The following DHTKD1 variants were observed in gnomAD, a reference collection of about 807,000 sequenced individuals.
DHTKD1 encodes the protein 2-oxoadipate dehydrogenase complex component E1.
In DHTKD1, 78 loss-of-function variants were observed where a neutral mutation model predicts 101.8. The observed-to-expected ratio is 0.77, with a 90% CI of 0.64 to 0.93. The LOEUF is 0.93. Among genes scored for constraint, DHTKD1 ranks in the 40% least tolerant of loss-of-function variants. The pLI, the probability that DHTKD1 is intolerant of heterozygous loss-of-function variation, is 0.00. For missense variants in DHTKD1, 1,223 were observed against 1,161.7 expected (o/e 1.05, Z -0.77); for synonymous variants, 462 against 450.3 (o/e 1.03, Z -0.33).
rs1246673651 is a variant in DHTKD1, at chr10:12,086,221, C to CTTTTTTTT, written c.523-1310_523-1309insTTTTTTTT. ...TTAAAATTTATTTTTCTTTTGTTTT[C>CTTTTTTTT]TTTTCTTTTTTTTTTTTTTGAGATG... On this transcript the variant is annotated intron_variant, in intron 3 of 16. Coordinates refer to ENST00000263035, the MANE Select transcript of DHTKD1 (RefSeq NM_018706.7). 3.8e-5 allele frequency among the ~76,000 whole-genome samples: 3 copies of CTTTTTTTT among 78,042 alleles called. 1 individual carries two copies. Among genetic ancestry groups the CTTTTTTTT allele is most frequent in the Admixed American group, 2.4e-4 (1 of 4,230 alleles). The allele number at this position is 78,042 out of a possible 152,430, so 51.2% of individuals were successfully genotyped here.
At chr10:12,097,318 G>A (rs185522103) in intron 7 of DHTKD1, among the ~76,000 whole-genome samples, 1 of 151,912 alleles carries the variant, frequency 6.6e-6, no homozygotes, top group African/African-American at 2.4e-5. Context: ...TGTTGCCTAG[G>A]CTGGAGTGCA....
At position 12,094,210 on chromosome 10, in the gene DHTKD1, T is replaced by C; in HGVS notation, c.1297T>C (p.Trp433Arg). The change falls in exon 7 of 17, where the codon TGG becomes CGG. Residue 433 changes from tryptophan (W) to arginine (R), a missense_variant. Coordinates refer to ENST00000263035, the MANE Select transcript of DHTKD1 (RefSeq NM_018706.7). ...VIIDLLCYRQ[W>R]GHNELDEPFY... ...TATTGATCTGTTGTGCTACAGGCAG[T>C]GGGGCCACAATGAGCTGGATGAGCC... The C allele has an allele frequency of 6.2e-7, 1 of 1,614,184 alleles. No individual in the cohort carries two copies. Among genetic ancestry groups the C allele is most frequent in the Non-Finnish European group, 8.5e-7 (1 of 1,180,026 alleles).
chr10:12,075,367 T>C (rs1247505349), intron 1 of DHTKD1, among the ~76,000 whole-genome samples: 2 of 151,824 alleles, frequency 1.3e-5, no homozygotes, highest in Non-Finnish European at 1.5e-5. Context: ...TTTTTTTTGG[T>C]TTTGGTTTTG....
Position 12,084,749 on chromosome 10 carries a change from C to G in DHTKD1, c.520C>G (p.Gln174Glu). Residue 174 changes from glutamine to glutamate, a missense_variant and splice_region_variant, in exon 3 of 17, where the codon CAG (glutamine) becomes GAG (glutamate). By Grantham distance (29) the Gln-to-Glu change is conservative. Coordinates refer to ENST00000263035, the MANE Select transcript of DHTKD1 (RefSeq NM_018706.7). ...KHLSKLMLES[Q>E]EFDHFLATKF... Reference sequence around the variant, plus strand: ...TCTGTCGAAACTAATGCTGGAATCTCAGGTAAAAAGGAGCATCTAGGCCGG... The same window carrying G: ...TCTGTCGAAACTAATGCTGGAATCTGAGGTAAAAAGGAGCATCTAGGCCGG... The G allele has an allele frequency of 6.2e-7, 1 of 1,613,772 alleles. No homozygotes were observed.
rs371209000 is a variant in DHTKD1, at chr10:12,081,546, T to G, written c.229T>G (p.Phe77Val). 17 of 1,614,030 alleles carry G rather than the reference T, an allele frequency of 1.1e-5. No homozygotes were observed. Among genetic ancestry groups the G allele is most frequent in the Non-Finnish European group, 1.4e-5 (16 of 1,180,022 alleles). The change falls in exon 2 of 17, where the codon TTC becomes GTC. Residue 77 changes from phenylalanine to valine, a missense_variant. By Grantham distance (50) the Phe-to-Val change is conservative. Transcript: ENST00000263035. ...GHKAAKINPL[F>V]TGQALLENVP... ...TAAAGCTGCCAAAATCAACCCCCTC[T>G]TCACCGGACAAGCCCTGCTGGAGAA...
chr10:12,069,187 G>C lies in DHTKD1; in HGVS notation c.154G>C (p.Val52Leu), dbSNP rs543147905. 1.3e-6 allele frequency: 2 copies of C among 1,545,318 alleles called. No individual in the cohort carries two copies. The highest frequency in any genetic ancestry group is 1.7e-6 in the Non-Finnish European group (2 of 1,146,248). The change falls in exon 1 of 17, where the codon GTT (valine) becomes CTT (leucine). Residue 52 changes from valine (V) to leucine (L), a missense_variant and splice_region_variant. Physicochemically the swap from Val to Leu is conservative, Grantham distance 32. Coordinates refer to ENST00000263035, the MANE Select transcript of DHTKD1 (RefSeq NM_018706.7). The stretch of plus-strand genomic sequence containing the variant: ...CCAGGGCGCCCTGGAGCGCCCCCCA[G>C]GTCGGGGATGGGGCCCGGGCGGTGG... ...EPQGALERPP[V>L]DHGLARLVTV...
chr10:12,093,763 G>A (rs1460599876), intron 6 of DHTKD1, among the ~76,000 whole-genome samples: 2 of 152,162 alleles, frequency 1.3e-5, no homozygotes, highest in African/African-American at 4.8e-5. Flanking sequence ...TAACTACTAT[G>A]TACCAGGCAC....
Position 12,113,064 on chromosome 10 carries a change from G to C in DHTKD1, c.2319G>C (p.Pro773=). ...CCCCTAAGATGTTACTCAGGCTCCC[G>C]GTAAGCAGAAGGTGGTGAATAAGCC... ...VASPKMLLRL[P]AAVSTLQEMA... Residue 773 remains proline (P), a splice_region_variant and synonymous_variant, in exon 13 of 17, where the codon CCG becomes CCC. Transcript: ENST00000263035. 1 of 1,601,626 alleles carries C rather than the reference G, an allele frequency of 6.2e-7. No homozygotes were observed. The highest frequency in any genetic ancestry group is 8.5e-7 in the Non-Finnish European group (1 of 1,174,320).
In DHTKD1 at chr10:12,097,989, A is replaced by C; in HGVS notation, c.1664A>C (p.His555Pro). Residue 555 changes from histidine (H) to proline (P), a missense_variant, in exon 8 of 17, where the codon CAT becomes CCT. Transcript: ENST00000263035. ...LQMHSHLLKT[H>P]VQSRMEKMMD... ...ATGCACAGTCACCTGCTGAAGACAC[A>C]TGTTCAGGTGGGCAGCCTCCAAATG... 6.2e-7 allele frequency: 1 copy of C among 1,602,900 alleles called. No individual in the cohort carries two copies. Among genetic ancestry groups the C allele is most frequent in the Non-Finnish European group, 8.5e-7 (1 of 1,171,786 alleles).
intron 13 of DHTKD1, among the ~76,000 whole-genome samples, chr10:12,115,774 T>A (rs1470310232): frequency 6.6e-6 from 1 of 151,846 alleles, no homozygotes; most frequent in African/African-American, 2.4e-5. Flanking sequence ...CTTTTTTTTC[T>A]TTTTTTTGTT....
At chr10:12,073,304 A>G (rs1832677773) in intron 1 of DHTKD1, among the ~76,000 whole-genome samples, 1 of 151,872 alleles carries the variant, frequency 6.6e-6, no homozygotes, top group Non-Finnish European at 1.5e-5. Flanking sequence ...AAGTTCTGGG[A>G]TTATAGGCAT....
rs545781535 is a variant in DHTKD1 at position 12,088,415 on chromosome 10, T to C, written c.718-571T>C. Among the ~76,000 whole-genome samples the C allele has an allele frequency of 3.0e-4, 46 of 151,092 alleles. No individual in the cohort carries two copies. In the South Asian group the frequency reaches 9.5e-3, roughly 31 times the overall value. On this transcript the variant is annotated intron_variant, in intron 4 of 16. Transcript: ENST00000263035. ...TGAGTCCAGGAGATGGAGGCTGCAGTGAGCTGAGACTGTGCCACTGCCCTC... is the reference window on the plus strand; with the variant it reads ...TGAGTCCAGGAGATGGAGGCTGCAGCGAGCTGAGACTGTGCCACTGCCCTC...
intron 1 of DHTKD1, among the ~76,000 whole-genome samples, chr10:12,069,909 T>C (rs1313182818): frequency 6.6e-6 from 1 of 151,988 alleles, no homozygotes. Context: ...AGGATACATT[T>C]CCAGGACCAT....
intron 13 of DHTKD1, among the ~76,000 whole-genome samples, chr10:12,115,581 G>C (rs1270989850): frequency 6.6e-6 from 1 of 152,146 alleles, no homozygotes; most frequent in Non-Finnish European, 1.5e-5. Flanking sequence ...ATGGATTTCA[G>C]TAGTCTTACC....
At chr10:12,112,197 C>T (rs914089305) in intron 12 of DHTKD1, among the ~76,000 whole-genome samples, 1 of 151,958 alleles carries the variant, frequency 6.6e-6, no homozygotes, top group Non-Finnish European at 1.5e-5. Flanking sequence ...ACCTGTAGTC[C>T]CAGCTACTTG....
intron 12 of DHTKD1, among the ~76,000 whole-genome samples, chr10:12,112,355 C>T (rs1833346600): frequency 1.3e-5 from 2 of 152,130 alleles, no homozygotes; most frequent in South Asian, 4.1e-4. Flanking sequence ...AACTCTCTTT[C>T]TTTCCTTTCA....
At chr10:12,078,480 C>G (rs745859002) in intron 1 of DHTKD1, among the ~76,000 whole-genome samples, 5 of 151,952 alleles carry the variant, frequency 3.3e-5, no homozygotes, top group East Asian at 1.9e-4. Context: ...GGCATGGCGG[C>G]ACGCACCTGC....
intron 3 of DHTKD1, 116 bp downstream of exon 3, chr10:12,084,867 A>G (rs976868462): frequency 2.5e-6 from 2 of 792,808 alleles, no homozygotes; most frequent in Middle Eastern, 3.8e-4. Context: ...CCTGACCAAC[A>G]TGGAGAAACC....
rs1341741605 is a variant in DHTKD1 at position 12,087,629 on chromosome 10, T to C, written c.617T>C (p.Leu206Pro). The C allele has an allele frequency of 6.2e-7, 1 of 1,614,096 alleles. No homozygotes were observed. Among genetic ancestry groups the C allele is most frequent in the South Asian group, 1.1e-5 (1 of 91,056 alleles). ...ATGATGGGCTTTTTCCACGAGCTGC[T>C]GAAAATGTCGGCCTACAGCGGGATC... ...ESMMGFFHELLKMSAYSGITD... is the reference protein window; with the variant it reads ...ESMMGFFHELPKMSAYSGITD... Residue 206 changes from leucine (L) to proline (P), a missense_variant, in exon 4 of 17, where the codon CTG becomes CCG. Transcript: ENST00000263035. This position sits in a 1 kb window ranked among gnomAD's most constrained non-coding sequence, Gnocchi z 5.2.
Sources: gnomAD v4.1 joint callset for allele counts (sites outside exome capture counted in the v4.1 genomes callset) on GRCh38, gnomAD v4.1.1 for gene constraint, Gnocchi (gnomAD v3.1) non-coding constraint, MANE v1.5 for transcripts, NCBI Gene and HGNC (gene_info 2026-07-23, HGNC 2026-07-21) for gene names.